The following GPC6 variants were observed in gnomAD, a reference collection of about 807,000 sequenced individuals.
GPC6 encodes glypican 6.
A neutral mutation model predicts 55.2 loss-of-function variants in GPC6; 14 were observed. That is an observed-to-expected ratio of 0.25 (90% CI 0.17 to 0.40). GPC6 has a LOEUF of 0.40. Ranked by LOEUF, GPC6 falls within the 10% of genes least tolerant of loss-of-function variation. The pLI, the probability that GPC6 is intolerant of heterozygous loss-of-function variation, is 1.00. For missense variants in GPC6, 641 were observed against 708.5 expected (o/e 0.90, Z 1.08); for synonymous variants, 278 against 259.6 (o/e 1.07, Z -0.68).
intron 2 of GPC6, among the ~76,000 whole-genome samples, chr13:93,757,120 G>A (rs1222973153): frequency 6.6e-6 from 1 of 152,122 alleles, no homozygotes; most frequent in African/African-American, 2.4e-5. Flanking sequence ...TCCCCACATG[G>A]AAATTAAGGC....
chr13:93,675,517 A>G (rs1881553487), intron 2 of GPC6, among the ~76,000 whole-genome samples: 1 of 152,038 alleles, frequency 6.6e-6, no homozygotes, highest in African/African-American at 2.4e-5. Context: ...ATACTTCACC[A>G]TTGTATAACT....
chr13:94,027,832 A>G lies in GPC6; in HGVS notation c.815A>G (p.Asn272Ser), dbSNP rs1360308566. The G allele has an allele frequency of 2.5e-6, 4 of 1,614,006 alleles. No individual in the cohort carries two copies. Among genetic ancestry groups the G allele is most frequent in the East Asian group, 2.2e-5 (1 of 44,882 alleles). Residue 272 changes from asparagine to serine, a missense_variant, in exon 4 of 9, where the codon AAC (asparagine) becomes AGC (serine). Asn to Ser is a conservative substitution (Grantham distance 46). Transcript: ENST00000377047. ...TVRPCNNYCL[N>S]VMKGCLANQA... ...AGGCCCTGCAACAACTACTGTCTCA[A>G]CGTCATGAAGGGCTGCTTGGCAAAT... is the stretch of plus-strand genomic sequence containing the variant.
intron 1 of GPC6, among the ~76,000 whole-genome samples, chr13:93,275,430 G>A (rs1385799168): frequency 1.3e-5 from 2 of 152,162 alleles, no homozygotes; most frequent in Non-Finnish European, 2.9e-5. Flanking sequence ...AGTAAAGAGG[G>A]ATCTCAACAG....
chr13:94,194,054 A>G (rs1594044296), intron 4 of GPC6, among the ~76,000 whole-genome samples: 1 of 152,212 alleles, frequency 6.6e-6, no homozygotes, highest in East Asian at 1.9e-4. Flanking sequence ...TTTAGGGTAA[A>G]CAGGCATATA....
chr13:93,516,587 T>G (rs1181786239), intron 1 of GPC6, among the ~76,000 whole-genome samples: 1 of 152,086 alleles, frequency 6.6e-6, no homozygotes, highest in Admixed American at 6.6e-5. Flanking sequence ...AGTTAAGTTT[T>G]AATGGGAAAT....
intron 1 of GPC6, among the ~76,000 whole-genome samples, chr13:93,364,901 G>A (rs35080627): frequency 6.6e-6 from 1 of 151,538 alleles, no homozygotes; most frequent in Non-Finnish European, 1.5e-5. Context: ...TTCACCTCCG[G>A]TCTGTCTCCA....
intron 3 of GPC6, among the ~76,000 whole-genome samples, chr13:93,848,660 A>G (rs1426996711): frequency 1.3e-5 from 2 of 152,058 alleles, no homozygotes; most frequent in Admixed American, 1.3e-4. Context: ...TCATATTCCT[A>G]CCCTCAAGAG....
intron 3 of GPC6, among the ~76,000 whole-genome samples, chr13:94,006,596 C>T (rs931626338): frequency 1.3e-5 from 2 of 152,180 alleles, no homozygotes; most frequent in African/African-American, 4.8e-5. Context: ...TGGGGCTAAT[C>T]AGAAAGTCAA....
intron 2 of GPC6, among the ~76,000 whole-genome samples, chr13:93,677,573 T>C (rs1881683164): frequency 6.6e-6 from 1 of 152,106 alleles, no homozygotes; most frequent in South Asian, 2.1e-4. Context: ...TAATTTGGCA[T>C]TGAAATGGTC....
chr13:93,414,532 A>G (rs543772609), intron 1 of GPC6, among the ~76,000 whole-genome samples: 366 of 152,240 alleles, frequency 2.4e-3, no homozygotes, highest in Admixed American at 3.7e-3. Context: ...AGAATTTAGA[A>G]CAGTGATTGG....
At chr13:93,548,773 G>A (rs1274919264) in intron 2 of GPC6, among the ~76,000 whole-genome samples, 1 of 151,944 alleles carries the variant, frequency 6.6e-6, no homozygotes, top group South Asian at 2.1e-4. Context: ...TACCTGAGAG[G>A]CAACAAATTT....
chr13:93,852,018 T>C (rs1465566638), intron 3 of GPC6, among the ~76,000 whole-genome samples: 1 of 151,690 alleles, frequency 6.6e-6, no homozygotes, highest in Non-Finnish European at 1.5e-5. Flanking sequence ...CAGTTTTACA[T>C]AGAGGTGAAA....
intron 3 of GPC6, among the ~76,000 whole-genome samples, chr13:93,848,198 A>G (rs563692309): frequency 6.6e-6 from 1 of 152,244 alleles, no homozygotes; most frequent in African/African-American, 2.4e-5. Flanking sequence ...GTTTGTACAT[A>G]ACTTCTATCT....
chr13:94,138,066 G>A (rs1332875752), intron 4 of GPC6, among the ~76,000 whole-genome samples: 1 of 152,162 alleles, frequency 6.6e-6, no homozygotes, highest in African/African-American at 2.4e-5. Context: ...ATATCTACAT[G>A]TACAGGTTGA....
intron 2 of GPC6, among the ~76,000 whole-genome samples, chr13:93,816,530 T>A (rs7991274): frequency 0.38 from 57,696 of 151,514 alleles, 11,889 homozygotes; most frequent in African/African-American, 0.53. Context: ...TTATGCTTTT[T>A]TTTTTTTCAG....
intron 2 of GPC6, among the ~76,000 whole-genome samples, chr13:93,689,222 G>A (rs1247259693): frequency 2.0e-5 from 3 of 151,902 alleles, no homozygotes; most frequent in Admixed American, 2.0e-4. Context: ...AATTAAAATT[G>A]AAGTATTATT....
At chr13:94,354,645 C>T (rs1448059365) in intron 6 of GPC6, among the ~76,000 whole-genome samples, 1 of 152,194 alleles carries the variant, frequency 6.6e-6, no homozygotes, top group Non-Finnish European at 1.5e-5. Flanking sequence ...ATTCGGTAAG[C>T]TCTAGGCAAA....
chr13:94,045,407 T>G (rs1178231179), intron 4 of GPC6, among the ~76,000 whole-genome samples: 2 of 151,942 alleles, frequency 1.3e-5, no homozygotes, highest in Non-Finnish European at 2.9e-5. Context: ...TTTTTTTATT[T>G]AAAAAAATTC....
chr13:93,811,062 A>C (rs1027942125), intron 2 of GPC6, among the ~76,000 whole-genome samples: 1 of 152,232 alleles, frequency 6.6e-6, no homozygotes, highest in Non-Finnish European at 1.5e-5. Flanking sequence ...TGCAACATCA[A>C]ATTACCTTGT....
Sources: allele counts gnomAD v4.1 joint callset (sites outside exome capture counted in the v4.1 genomes callset), GRCh38; gene constraint gnomAD v4.1.1; transcripts MANE v1.5; gene names NCBI Gene and HGNC (gene_info 2026-07-23, HGNC 2026-07-21).